Variants in EPHA3 observed in about 807,000 individuals in gnomAD.
EPHA3 encodes EPH receptor A3.
EPHA3 carries 42 observed loss-of-function variants against 107.1 expected under a neutral mutation model. The observed-to-expected ratio is 0.39, with a 90% CI of 0.31 to 0.51. EPHA3 has a LOEUF of 0.51. EPHA3 is among the 20% of genes least tolerant of loss of function. The probability of loss-of-function intolerance (pLI) is 0.78; values close to 1 mark genes in which losing one functional copy is unlikely to be tolerated. For missense variants in EPHA3, 1,183 were observed against 1,211.2 expected (o/e 0.98, Z 0.35); for synonymous variants, 461 against 424.8 (o/e 1.09, Z -1.05).
At chr3:89,147,472 G>T (rs528003756) in intron 2 of EPHA3, among the ~76,000 whole-genome samples, 1 of 151,882 alleles carries the variant, frequency 6.6e-6, no homozygotes, top group Non-Finnish European at 1.5e-5. Flanking sequence ...AGAAGAAAAA[G>T]GAAATTTGTG....
chr3:89,149,203 C>A (rs969727566), intron 2 of EPHA3, among the ~76,000 whole-genome samples: 3 of 151,988 alleles, frequency 2.0e-5, no homozygotes, highest in Non-Finnish European at 4.4e-5. Context: ...TGGTTGTATG[C>A]ACGTCTGCTT....
chr3:89,472,670 T>TGC (rs752364173), intron 16 of EPHA3, 51 bp downstream of exon 16: 9 of 1,565,812 alleles, frequency 5.7e-6, no homozygotes, highest in African/African-American at 1.4e-5. Context: ...TTGAACTTTC[T>TGC]TGGCTTGACA....
chr3:89,268,156 C>A (rs1705582418), intron 3 of EPHA3, among the ~76,000 whole-genome samples: 1 of 152,106 alleles, frequency 6.6e-6, no homozygotes, highest in Non-Finnish European at 1.5e-5. Flanking sequence ...CCTAGGGATG[C>A]ATTTAAATGC....
At chr3:89,294,861 T>C (rs1422938477) in intron 3 of EPHA3, among the ~76,000 whole-genome samples, 2 of 152,206 alleles carry the variant, frequency 1.3e-5, no homozygotes, top group Non-Finnish European at 2.9e-5. Flanking sequence ...AATTATTTTT[T>C]TGGCTGCCAA....
At chr3:89,165,921 T>C (rs1410837944) in intron 2 of EPHA3, among the ~76,000 whole-genome samples, 1 of 152,224 alleles carries the variant, frequency 6.6e-6, no homozygotes, top group Non-Finnish European at 1.5e-5. Flanking sequence ...TTTCCCTGGC[T>C]CTTCAAGCGC....
chr3:89,473,825 A>G (rs1247976377), intron 16 of EPHA3, among the ~76,000 whole-genome samples: 1 of 152,178 alleles, frequency 6.6e-6, no homozygotes, highest in Non-Finnish European at 1.5e-5. Flanking sequence ...TCCTGAAGAT[A>G]AGATGGAGAA....
At chr3:89,269,294 C>T (rs1705608212) in intron 3 of EPHA3, among the ~76,000 whole-genome samples, 1 of 152,104 alleles carries the variant, frequency 6.6e-6, no homozygotes, top group Non-Finnish European at 1.5e-5. Context: ...AGAGCAGTGA[C>T]TTGGAACATT....
intron 1 of EPHA3, among the ~76,000 whole-genome samples, chr3:89,125,047 G>A (rs1704064172): frequency 6.6e-6 from 1 of 151,740 alleles, no homozygotes; most frequent in Admixed American, 6.6e-5. Flanking sequence ...ATTCCAATAA[G>A]TAATTTACTA....
At position 89,406,287 on chromosome 3, in the gene EPHA3, T is replaced by G. The variant is rs148994574; in HGVS notation, c.1595-982T>G. Among the ~76,000 whole-genome samples, 135 of 152,264 alleles carry G rather than the reference T, an allele frequency of 8.9e-4. No individual in the cohort carries two copies. The Middle Eastern group carries it at 0.01, about 12-fold the overall frequency. On this transcript the variant is annotated intron_variant, in intron 7 of 16. Coordinates refer to ENST00000336596, the MANE Select transcript of EPHA3 (RefSeq NM_005233.6). Reference sequence around the variant, plus strand: ...ACTGCCTGTGTGTTCATAAGAAATATACAATCTCATTCCCCACTCCGGAAT... The same window carrying G: ...ACTGCCTGTGTGTTCATAAGAAATAGACAATCTCATTCCCCACTCCGGAAT...
chr3:89,448,998 A>G lies in EPHA3; in HGVS notation c.2347-227A>G, dbSNP rs147735851. On this transcript the variant is annotated intron_variant, in intron 13 of 16. Coordinates refer to ENST00000336596, the MANE Select transcript of EPHA3 (RefSeq NM_005233.6). ...ATTTAAGCAATTTTCTTTTTTATAT[A>G]TAATTTCAAAATCCTTCCAAATTAT... 3.2e-4 allele frequency among the ~76,000 whole-genome samples: 48 copies of G among 152,036 alleles called. No homozygotes were observed. In the East Asian group the frequency reaches 8.0e-3, roughly 25 times the overall value.
In EPHA3 at chr3:89,446,099, A is replaced by G. The variant is rs114620021; in HGVS notation, c.2347-3126A>G. Among the ~76,000 whole-genome samples, 1,521 of 152,268 alleles carry G rather than the reference A, an allele frequency of 1.0e-2. 25 individuals carry two copies. The highest frequency in any genetic ancestry group is 0.035 in the African/African-American group (1,457 of 41,548). On this transcript the variant is annotated intron_variant, in intron 13 of 16. Transcript: ENST00000336596. The stretch of plus-strand genomic sequence containing the variant: ...ATACATTTTTCCAAACATGCATCCC[A>G]TTTGTTTAAATTTTAAGCATTTTAA...
intron 2 of EPHA3, among the ~76,000 whole-genome samples, chr3:89,187,686 G>A (rs561626780): frequency 6.6e-6 from 1 of 151,994 alleles, no homozygotes; most frequent in Non-Finnish European, 1.5e-5. Flanking sequence ...AATATTTGTT[G>A]ATTTACATGA....
chr3:89,207,947 T>C (rs1257627154), intron 2 of EPHA3, among the ~76,000 whole-genome samples: 2 of 152,164 alleles, frequency 1.3e-5, no homozygotes, highest in African/African-American at 4.8e-5. Flanking sequence ...TTAGCATGTA[T>C]CATGAATTAA....
At position 89,202,269 on chromosome 3, in the gene EPHA3, C is replaced by A. The variant is rs551655135; in HGVS notation, c.154-7591C>A. On this transcript the variant is annotated intron_variant, in intron 2 of 16. Transcript: ENST00000336596. ...CAGCACTTTGGGAGGCCGAGGCAGG[C>A]GGATCACTTGACGCCAGGGGTTAGA... Among the ~76,000 whole-genome samples the A allele has an allele frequency of 1.5e-3, 224 of 151,824 alleles. 3 individuals are homozygous for A. The highest frequency in any genetic ancestry group is 4.8e-3 in the African/African-American group (198 of 41,382).
chr3:89,436,170 G>GA (rs1709666691), intron 13 of EPHA3, among the ~76,000 whole-genome samples: 2 of 151,656 alleles, frequency 1.3e-5, no homozygotes, highest in Non-Finnish European at 2.9e-5. Flanking sequence ...AAAAGAAAAA[G>GA]AAAAAATACT....
intron 2 of EPHA3, among the ~76,000 whole-genome samples, chr3:89,160,685 C>T (rs1448028736): frequency 6.6e-6 from 1 of 151,582 alleles, no homozygotes; most frequent in African/African-American, 2.4e-5. Flanking sequence ...CCTAAAGATT[C>T]AACCCTAAAG....
chr3:89,362,177 C>T (rs1708107144), intron 5 of EPHA3, among the ~76,000 whole-genome samples: 1 of 150,934 alleles, frequency 6.6e-6, no homozygotes, highest in Admixed American at 6.6e-5. Flanking sequence ...CAAGTAGCTG[C>T]TATTAATCCA....
intron 2 of EPHA3, among the ~76,000 whole-genome samples, chr3:89,192,395 T>C (rs952192557): frequency 6.6e-6 from 1 of 152,052 alleles, no homozygotes; most frequent in African/African-American, 2.4e-5. Context: ...TTCAAAATAG[T>C]AAGGCTAAGA....
At chr3:89,399,205 C>A in intron 6 of EPHA3, 113 bp from the exon 7 acceptor site, 1 of 981,180 alleles carries the variant, frequency 1.0e-6, no homozygotes, top group Non-Finnish European at 1.5e-6. Context: ...TAAATCCATC[C>A]TATGATTTGT....
Sources: gnomAD v4.1 joint callset for allele counts (sites outside exome capture counted in the v4.1 genomes callset) on GRCh38, gnomAD v4.1.1 for gene constraint, MANE v1.5 for transcripts, NCBI Gene and HGNC (gene_info 2026-07-23, HGNC 2026-07-21) for gene names.